Variants in CPO observed in about 807,000 individuals in gnomAD.
CPO encodes carboxypeptidase O, also known as metallocarboxypeptidase C.
A neutral mutation model predicts 41.2 loss-of-function variants in CPO; 43 were observed. The ratio of observed to expected loss-of-function variants is 1.04; its 90% CI spans 0.82 to 1.35. The LOEUF (loss-of-function observed/expected upper bound fraction) is 1.35, where lower values mean the gene tolerates loss of function less well. Ranked by LOEUF, CPO falls within the 40% of genes most tolerant of loss-of-function variation. The probability of loss-of-function intolerance (pLI) is 0.00; values close to 1 mark genes in which losing one functional copy is unlikely to be tolerated. For missense variants in CPO, 408 were observed against 451.7 expected (o/e 0.90, Z 0.88); for synonymous variants, 178 against 162.7 (o/e 1.09, Z -0.72).
intron 1 of CPO, among the ~76,000 whole-genome samples, chr2:206,945,867 C>T (rs1032016385): frequency 2.1e-4 from 32 of 151,722 alleles, no homozygotes; most frequent in African/African-American, 7.0e-4. Flanking sequence ...ACCTGGGAGG[C>T]GGAGGTTGCA....
intron 7 of CPO, among the ~76,000 whole-genome samples, chr2:206,967,360 G>T (rs77767127): frequency 0.18 from 20,452 of 112,292 alleles, 1,593 homozygotes; most frequent in Middle Eastern, 0.3. Flanking sequence ...TAGATATATA[G>T]ATATAGATAT....
intron 7 of CPO, among the ~76,000 whole-genome samples, chr2:206,962,818 A>AC (rs1481962759): frequency 1.2e-4 from 18 of 152,302 alleles, no homozygotes; most frequent in African/African-American, 4.3e-4. Flanking sequence ...ACATTAATTA[A>AC]CTACCTGTTT....
chr2:206,963,169 C>T (rs993081597), intron 7 of CPO, among the ~76,000 whole-genome samples: 8 of 152,142 alleles, frequency 5.3e-5, no homozygotes, highest in Admixed American at 1.3e-4. Flanking sequence ...TGGTCTTATC[C>T]GTGTCCTTCT....
intron 2 of CPO, among the ~76,000 whole-genome samples, chr2:206,953,443 G>A (rs1465180618): frequency 1.3e-5 from 2 of 152,252 alleles, no homozygotes; most frequent in East Asian, 3.9e-4. Flanking sequence ...AAATCTTAAA[G>A]CTCCAAAATA....
chr2:206,962,373 G>T (rs1487323408), intron 6 of CPO, 39 bp from the exon 7 acceptor site: 1 of 1,583,330 alleles, frequency 6.3e-7, no homozygotes, highest in East Asian at 2.2e-5. Context: ...TCCAAACTGA[G>T]ATCATGCAGC....
At chr2:206,954,317 G>C (rs1415159386) in intron 2 of CPO, among the ~76,000 whole-genome samples, 1 of 152,118 alleles carries the variant, frequency 6.6e-6, no homozygotes, top group Non-Finnish European at 1.5e-5. Context: ...TCTTCCTCCA[G>C]ATACCCTAAA....
intron 1 of CPO, 118 bp downstream of exon 1, chr2:206,939,785 C>G (rs1384636446): frequency 1.5e-6 from 1 of 646,250 alleles, no homozygotes; most frequent in Non-Finnish European, 2.7e-6. Flanking sequence ...TATATACCAC[C>G]ATGAGATGAG....
intron 2 of CPO, among the ~76,000 whole-genome samples, chr2:206,953,812 C>T (rs539317394): frequency 1.3e-5 from 2 of 152,330 alleles, no homozygotes; most frequent in African/African-American, 4.8e-5. Context: ...GCCTGGACAC[C>T]CAGACATTTA....
intron 1 of CPO, among the ~76,000 whole-genome samples, chr2:206,940,240 G>GTAAAA (rs1693002732): frequency 6.6e-6 from 1 of 152,018 alleles, no homozygotes; most frequent in Admixed American, 6.6e-5. Context: ...TACAAATAAT[G>GTAAAA]CTGTGATGAG....
At position 206,962,202 on chromosome 2, in the gene CPO, G is replaced by A. The variant is rs145482166; in HGVS notation, c.575-210G>A. Among the ~76,000 whole-genome samples the A allele has an allele frequency of 3.0e-3, 462 of 151,518 alleles. 3 individuals are homozygous for A. Among genetic ancestry groups the A allele is most frequent in the African/African-American group, 0.01 (416 of 41,262 alleles). ...ATGGAGTTTGTTTCTAAATCCTAAC[G>A]TTATCCCTTTCTGCTATTCTGAGTT... On this transcript the variant is annotated intron_variant, in intron 6 of 8. Coordinates refer to ENST00000272852, the MANE Select transcript of CPO (RefSeq NM_173077.3).
At chr2:206,946,452 G>A (rs1165051594) in intron 1 of CPO, among the ~76,000 whole-genome samples, 1 of 152,098 alleles carries the variant, frequency 6.6e-6, no homozygotes, top group Non-Finnish European at 1.5e-5. Flanking sequence ...TAAAAAGGTA[G>A]TAGGGAACTT....
At chr2:206,955,347 C>A in intron 2 of CPO, 116 bp from the exon 3 acceptor site, 1 of 724,786 alleles carries the variant, frequency 1.4e-6, no homozygotes. Flanking sequence ...ACAGCTGTTG[C>A]AATCTAGAGC....
At chr2:206,962,012 A>C (rs1220938131) in intron 6 of CPO, among the ~76,000 whole-genome samples, 2 of 150,970 alleles carry the variant, frequency 1.3e-5, no homozygotes, top group African/African-American at 2.4e-5. Context: ...AGGCAGGAGA[A>C]TGGCATGAAC....
chr2:206,967,147 C>T (rs1255097671), intron 7 of CPO, among the ~76,000 whole-genome samples: 2 of 151,956 alleles, frequency 1.3e-5, no homozygotes, highest in African/African-American at 4.8e-5. Context: ...AGGTAGAACA[C>T]ACATGTTTAG....
intron 1 of CPO, among the ~76,000 whole-genome samples, chr2:206,948,449 G>T (rs1402953065): frequency 6.6e-6 from 1 of 152,192 alleles, no homozygotes; most frequent in African/African-American, 2.4e-5. Flanking sequence ...TTGGAAGAAT[G>T]CAGAGGATTT....
chr2:206,940,721 A>C (rs1323441211), intron 1 of CPO, among the ~76,000 whole-genome samples: 1 of 151,936 alleles, frequency 6.6e-6, no homozygotes, highest in Non-Finnish European at 1.5e-5. Flanking sequence ...ATATCTCATG[A>C]AGTATATGTG....
chr2:206,969,311 A>G lies in CPO; in HGVS notation c.1000A>G (p.Met334Val), dbSNP rs1693641862. ...GATCCAGCCCACCTGTGAGGAGACC[A>G]TGGAGGCTGTGCTGTCAGTCCTGGA... is the stretch of plus-strand genomic sequence containing the variant. ...AQIQPTCEET[M>V]EAVLSVLDDV... The change falls in exon 9 of 9, where the codon ATG becomes GTG. Residue 334 changes from methionine (M) to valine (V), a missense_variant. Transcript: ENST00000272852. The G allele has an allele frequency of 6.2e-7, 1 of 1,614,090 alleles. No individual in the cohort carries two copies. The highest frequency in any genetic ancestry group is 1.1e-5 in the South Asian group (1 of 91,082).
At chr2:206,941,722 T>C (rs953147718) in intron 1 of CPO, among the ~76,000 whole-genome samples, 28 of 152,234 alleles carry the variant, frequency 1.8e-4, no homozygotes, top group African/African-American at 6.3e-4. Context: ...ACTCAAAACA[T>C]GTTAGCTGCA....
chr2:206,940,592 A>G (rs1185377996), intron 1 of CPO, among the ~76,000 whole-genome samples: 3 of 151,982 alleles, frequency 2.0e-5, no homozygotes, highest in Non-Finnish European at 2.9e-5. Flanking sequence ...TTAATGAATC[A>G]TAAGTTCTCT....
Sources: gnomAD v4.1 joint callset for allele counts (sites outside exome capture counted in the v4.1 genomes callset) on GRCh38, gnomAD v4.1.1 for gene constraint, MANE v1.5 for transcripts, NCBI Gene and HGNC (gene_info 2026-07-23, HGNC 2026-07-21) for gene names.